FUBP3: variants seen among roughly 807,000 people sequenced by gnomAD.
The protein encoded by FUBP3 is far upstream element-binding protein 3.
Under a neutral mutation model 85.6 loss-of-function variants are expected in FUBP3, and 28 were observed. The observed-to-expected ratio is 0.33, with a 90% CI of 0.24 to 0.45. FUBP3 has a LOEUF of 0.45. Among genes scored for constraint, FUBP3 ranks in the 20% least tolerant of loss-of-function variants. The pLI is 1.00. For synonymous variants in FUBP3, 271 were observed against 271.4 expected (o/e 1.00, Z 0.01); for missense variants, 583 against 755.1 (o/e 0.77, Z 2.67).
intron 2 of FUBP3, among the ~76,000 whole-genome samples, chr9:130,605,055 C>G (rs569555588): frequency 1.1e-4 from 17 of 152,264 alleles, no homozygotes; most frequent in Middle Eastern, 6.8e-3. Context: ...ATTCTGTTTT[C>G]TATTTCATTT....
chr9:130,611,498 G>C (rs1352296081), intron 3 of FUBP3, among the ~76,000 whole-genome samples: 2 of 152,120 alleles, frequency 1.3e-5, no homozygotes, highest in Admixed American at 6.5e-5. Context: ...AAGACTGTTT[G>C]TTCCCATCAA....
At chr9:130,620,013 A>G (rs968283919) in intron 8 of FUBP3, among the ~76,000 whole-genome samples, 11 of 152,236 alleles carry the variant, frequency 7.2e-5, no homozygotes, top group African/African-American at 2.7e-4. Flanking sequence ...CACCTAGGCC[A>G]GTCCACTTTA....
At chr9:130,596,015 T>C (rs1016214506) in intron 2 of FUBP3, among the ~76,000 whole-genome samples, 7 of 152,228 alleles carry the variant, frequency 4.6e-5, no homozygotes, top group Admixed American at 1.3e-4. Flanking sequence ...CTTTCTGCAG[T>C]CTAGCTGCCA....
At chr9:130,584,000 G>A (rs983285855) in intron 1 of FUBP3, among the ~76,000 whole-genome samples, 1 of 151,960 alleles carries the variant, frequency 6.6e-6, no homozygotes, top group Non-Finnish European at 1.5e-5. Context: ...GTCTTTCAAA[G>A]TGCTGGGATG....
At chr9:130,615,327 A>T (rs1285398586) in intron 6 of FUBP3, among the ~76,000 whole-genome samples, 1 of 152,234 alleles carries the variant, frequency 6.6e-6, no homozygotes, top group East Asian at 1.9e-4. Context: ...AAAAGGCAAC[A>T]TCTATTTCCT....
intron 6 of FUBP3, 35 bp downstream of exon 6, chr9:130,614,380 T>C: frequency 1.5e-6 from 2 of 1,324,368 alleles, no homozygotes; most frequent in Non-Finnish European, 1.1e-6. Flanking sequence ...CTTTCACTCT[T>C]CTTCCTCCTT....
intron 1 of FUBP3, among the ~76,000 whole-genome samples, chr9:130,582,327 C>T (rs1213927410): frequency 6.6e-6 from 1 of 152,026 alleles, no homozygotes; most frequent in Non-Finnish European, 1.5e-5. Flanking sequence ...TGGCCCACCC[C>T]TGCAGTCTCA....
chr9:130,626,052 G>A (rs1441243252), intron 11 of FUBP3, among the ~76,000 whole-genome samples: 1 of 152,176 alleles, frequency 6.6e-6, no homozygotes, highest in Non-Finnish European at 1.5e-5. Flanking sequence ...TCGGGGCCCA[G>A]TGAGGAAAGC....
intron 12 of FUBP3, among the ~76,000 whole-genome samples, chr9:130,629,951 C>A (rs1311829218): frequency 6.6e-6 from 1 of 152,226 alleles, no homozygotes; most frequent in African/African-American, 2.4e-5. Context: ...CATTAAGAGA[C>A]TGAGACTCTC....
chr9:130,594,837 T>A (rs1830787565), intron 1 of FUBP3, among the ~76,000 whole-genome samples: 1 of 151,514 alleles, frequency 6.6e-6, no homozygotes, highest in Non-Finnish European at 1.5e-5. Context: ...AAAGTTAAAC[T>A]TTTTGAAGAA....
intron 8 of FUBP3, among the ~76,000 whole-genome samples, chr9:130,619,337 C>T (rs1441789268): frequency 1.4e-5 from 2 of 148,054 alleles, no homozygotes; most frequent in Non-Finnish European, 3.0e-5. Flanking sequence ...GAGATGGAGC[C>T]TGCTGTACTT....
chr9:130,592,498 C>T (rs920304012), intron 1 of FUBP3, among the ~76,000 whole-genome samples: 4 of 152,100 alleles, frequency 2.6e-5, no homozygotes. Context: ...TCCTTCCTTC[C>T]TTCTTCCTAT....
intron 9 of FUBP3, 60 bp downstream of exon 9, chr9:130,620,518 C>G: frequency 2.5e-6 from 2 of 788,300 alleles, no homozygotes. Flanking sequence ...GTAGGTCACA[C>G]TTTTGTTAGC....
At chr9:130,613,893 T>C (rs1304573494) in intron 5 of FUBP3, among the ~76,000 whole-genome samples, 2 of 152,236 alleles carry the variant, frequency 1.3e-5, no homozygotes, top group Non-Finnish European at 2.9e-5. Context: ...TGTCATGAAG[T>C]TCCTTCCTAG....
chr9:130,620,545 A>C, intron 9 of FUBP3, 87 bp downstream of exon 9: 1 of 612,476 alleles, frequency 1.6e-6, no homozygotes. Flanking sequence ...ACCCTGAGCA[A>C]GTTAGTTAAG....
At chr9:130,613,859 T>G (rs183260729) in intron 5 of FUBP3, among the ~76,000 whole-genome samples, 1 of 152,382 alleles carries the variant, frequency 6.6e-6, no homozygotes, top group Non-Finnish European at 1.5e-5. Flanking sequence ...ATTCATGCAG[T>G]AACTGGTATG....
intron 1 of FUBP3, among the ~76,000 whole-genome samples, chr9:130,589,414 G>A (rs542451392): frequency 2.7e-5 from 4 of 150,258 alleles, no homozygotes; most frequent in African/African-American, 9.7e-5. Context: ...CTCGATCTCG[G>A]CTCATTGCAA....
intron 2 of FUBP3, among the ~76,000 whole-genome samples, chr9:130,608,641 G>A (rs1462127681): frequency 1.3e-5 from 2 of 152,178 alleles, no homozygotes; most frequent in African/African-American, 4.8e-5. Context: ...AATTTTAAGA[G>A]TCAGTAAAAA....
rs188028130 is a variant in FUBP3, at chr9:130,615,058, G to A, written c.404+713G>A. On this transcript the variant is annotated intron_variant, in intron 6 of 18. Transcript: ENST00000319725. ...GCTAAGATTATATCTGACTCAATAG[G>A]TAGGGTTGTTTTATTGTTTCCATTT... Among the ~76,000 whole-genome samples the A allele has an allele frequency of 3.9e-5, 6 of 152,302 alleles. No homozygotes were observed. In the East Asian group the frequency reaches 1.2e-3, roughly 29 times the overall value.
Sources: allele counts gnomAD v4.1 joint callset (sites outside exome capture counted in the v4.1 genomes callset), GRCh38; gene constraint gnomAD v4.1.1; transcripts MANE v1.5; gene names NCBI Gene and HGNC (gene_info 2026-07-23, HGNC 2026-07-21).